Variants in RGS7 observed in about 807,000 individuals in gnomAD.
RGS7 encodes regulator of G-protein signaling 7.
A neutral mutation model predicts 81.1 loss-of-function variants in RGS7; 27 were observed. The ratio of observed to expected loss-of-function variants is 0.33; its 90% CI spans 0.25 to 0.46. The LOEUF (loss-of-function observed/expected upper bound fraction) is 0.46. RGS7 is among the 20% of genes least tolerant of loss of function. The probability of loss-of-function intolerance (pLI) is 1.00; values close to 1 mark genes in which losing one functional copy is unlikely to be tolerated. For missense variants in RGS7, 396 were observed against 607.4 expected (o/e 0.65, Z 3.66); for synonymous variants, 208 against 207.7 (o/e 1.00, Z -0.01).
chr1:241,165,875 T>C (rs1224007873), intron 2 of RGS7, among the ~76,000 whole-genome samples: 2 of 150,898 alleles, frequency 1.3e-5, no homozygotes, highest in Non-Finnish European at 2.9e-5. Flanking sequence ...CCAACAGCAG[T>C]AGTTCTCAAA....
chr1:240,900,201 G>A (rs560168639), intron 6 of RGS7, among the ~76,000 whole-genome samples: 7 of 152,158 alleles, frequency 4.6e-5, no homozygotes, highest in Admixed American at 2.0e-4. Context: ...CTTTTTTCAA[G>A]GTTTTTAGCT....
intron 2 of RGS7, among the ~76,000 whole-genome samples, chr1:241,166,156 A>G (rs2070218842): frequency 1.3e-5 from 2 of 152,346 alleles, no homozygotes; most frequent in South Asian, 4.1e-4. Context: ...GTGGCCAGAA[A>G]AGCATCTCTT....
intron 2 of RGS7, among the ~76,000 whole-genome samples, chr1:241,257,103 T>C (rs2148253317): frequency 6.6e-6 from 1 of 152,176 alleles, no homozygotes; most frequent in Admixed American, 6.5e-5. Flanking sequence ...CTTAGTCCAT[T>C]TGGGCTGCTA....
At chr1:241,189,612 A>AT (rs1276406826) in intron 2 of RGS7, among the ~76,000 whole-genome samples, 1 of 152,072 alleles carries the variant, frequency 6.6e-6, no homozygotes, top group Non-Finnish European at 1.5e-5. Flanking sequence ...GATTCTGAAT[A>AT]TTTTTTGCTT....
chr1:241,334,714 C>G (rs111295876), intron 2 of RGS7, among the ~76,000 whole-genome samples: 1 of 151,966 alleles, frequency 6.6e-6, no homozygotes, highest in Non-Finnish European at 1.5e-5. Flanking sequence ...TTTCACTTTC[C>G]TTTGAATGCG....
chr1:240,931,475 G>T (rs1675429585), intron 5 of RGS7, among the ~76,000 whole-genome samples: 3 of 151,978 alleles, frequency 2.0e-5, no homozygotes, highest in Non-Finnish European at 4.4e-5. Flanking sequence ...TTGAGGGAAT[G>T]GAGATCCCAT....
At chr1:240,975,761 T>G (rs1362267331) in intron 4 of RGS7, among the ~76,000 whole-genome samples, 2 of 152,236 alleles carry the variant, frequency 1.3e-5, no homozygotes, top group East Asian at 3.8e-4. Context: ...AAGAAAACAA[T>G]AAATCTGTTC....
At chr1:241,088,437 C>A (rs1289987834) in intron 3 of RGS7, among the ~76,000 whole-genome samples, 1 of 151,984 alleles carries the variant, frequency 6.6e-6, no homozygotes, top group African/African-American at 2.4e-5. Flanking sequence ...CCTTTTCTGC[C>A]TAAAAGCAGG....
chr1:241,332,707 A>G (rs571753232), intron 2 of RGS7, among the ~76,000 whole-genome samples: 40 of 152,356 alleles, frequency 2.6e-4, no homozygotes, highest in African/African-American at 9.1e-4. Flanking sequence ...TCCCATCTGC[A>G]TATCTGTAAG....
chr1:240,813,581 A>G (rs1690269861), intron 13 of RGS7, 37 bp downstream of exon 13: 3 of 1,268,416 alleles, frequency 2.4e-6, no homozygotes, highest in Non-Finnish European at 2.3e-6. Context: ...CCTGAAATAA[A>G]GCAACATATG....
intron 9 of RGS7, among the ~76,000 whole-genome samples, chr1:240,863,766 A>G (rs937915443): frequency 6.6e-6 from 1 of 151,264 alleles, no homozygotes; most frequent in Non-Finnish European, 1.5e-5. Flanking sequence ...CCGTTTTAAA[A>G]TACCATTTTA....
At chr1:241,300,853 C>T (rs527973822) in intron 2 of RGS7, among the ~76,000 whole-genome samples, 2 of 152,316 alleles carry the variant, frequency 1.3e-5, no homozygotes, top group Admixed American at 6.5e-5. Flanking sequence ...TCCAAAGTGG[C>T]TGTACCATTT....
At chr1:241,031,593 C>T (rs902078096) in intron 3 of RGS7, among the ~76,000 whole-genome samples, 17 of 152,204 alleles carry the variant, frequency 1.1e-4, no homozygotes, top group African/African-American at 4.1e-4. Flanking sequence ...TTTCCACCCA[C>T]ATTGTATAAA....
At chr1:241,328,162 G>C (rs2081732377) in intron 2 of RGS7, among the ~76,000 whole-genome samples, 1 of 152,074 alleles carries the variant, frequency 6.6e-6, no homozygotes, top group Non-Finnish European at 1.5e-5. Context: ...TTAAAAAAAA[G>C]GTCTCACCCA....
chr1:241,176,998 A>T (rs2071198627), intron 2 of RGS7, among the ~76,000 whole-genome samples: 1 of 152,156 alleles, frequency 6.6e-6, no homozygotes. Context: ...ATGGAGCAAA[A>T]CTGTTTATGC....
chr1:241,121,510 A>T (rs2066251151), intron 2 of RGS7, among the ~76,000 whole-genome samples: 1 of 152,174 alleles, frequency 6.6e-6, no homozygotes, highest in African/African-American at 2.4e-5. Context: ...TAATTGATGC[A>T]GCCTCACATA....
intron 9 of RGS7, among the ~76,000 whole-genome samples, chr1:240,852,786 C>T (rs1160087611): frequency 6.6e-6 from 1 of 152,168 alleles, no homozygotes; most frequent in African/African-American, 2.4e-5. Context: ...AAATTATCAA[C>T]ATAAACATTA....
chr1:241,203,376 G>A (rs7550492), intron 2 of RGS7, among the ~76,000 whole-genome samples: 2,272 of 152,154 alleles, frequency 0.015, 50 homozygotes, highest in African/African-American at 0.052. Context: ...GGGACTACAG[G>A]TGCCCACCAC....
At chr1:241,061,963 A>G (rs542872732) in intron 3 of RGS7, among the ~76,000 whole-genome samples, 1 of 152,284 alleles carries the variant, frequency 6.6e-6, no homozygotes, top group South Asian at 2.1e-4. Flanking sequence ...ATCACAACAT[A>G]TTTATTCCAT....
Sources: gnomAD v4.1 joint callset for allele counts (sites outside exome capture counted in the v4.1 genomes callset) on GRCh38, gnomAD v4.1.1 for gene constraint, MANE v1.5 for transcripts, NCBI Gene and HGNC (gene_info 2026-07-23, HGNC 2026-07-21) for gene names.